PCDH19: variants seen among roughly 807,000 people sequenced by gnomAD.
PCDH19 encodes the protein protocadherin 19, also known as protocadherin-19.
A neutral mutation model predicts 46.2 loss-of-function variants in PCDH19; 6 were observed. The ratio of observed to expected loss-of-function variants is 0.13; its 90% CI spans 0.07 to 0.26. PCDH19 has a LOEUF of 0.26. PCDH19 is among the 10% of genes least tolerant of loss of function. PCDH19 has a pLI of 1.00. For synonymous variants in PCDH19, 481 were observed against 415.7 expected, an observed-to-expected ratio of 1.16 and a Z score of -1.91; for missense variants, 740 against 972.3, an observed-to-expected ratio of 0.76 and a Z score of 3.18.
At chrX:100,359,338 C>G (rs778059971) in intron 3 of PCDH19, among the ~76,000 whole-genome samples, 3 of 111,768 alleles carry the variant, frequency 2.7e-5, no homozygotes, top group Non-Finnish European at 5.6e-5. Flanking sequence ...AAAGGAAAAA[C>G]TTGGCACACA....
intron 5 of PCDH19, among the ~76,000 whole-genome samples, chrX:100,307,633 A>G (rs1924989099): frequency 1.8e-5 from 2 of 111,483 alleles, no homozygotes; most frequent in African/African-American, 3.3e-5. Flanking sequence ...ATATGATCGT[A>G]TATCTAGAAA....
At position 100,407,989 on chromosome X, in the gene PCDH19, G is replaced by C; in HGVS notation, c.609C>G (p.His203Gln). The C allele has an allele frequency of 8.3e-7, 1 of 1,208,064 alleles. No individual in the cohort carries two copies. The highest frequency in any genetic ancestry group is 1.7e-5 in the African/African-American group (1 of 58,033). ...EKSLDRETQS[H>Q]YSFRITALDG... ...CTAGCGCAGTGATTCGGAAGCTGTA[G>C]TGCGACTGCGTCTCGCGGTCCAGGC... The change falls in exon 1 of 6, where the codon CAC becomes CAG. Residue 203 changes from histidine (H) to glutamine (Q), a missense_variant. By Grantham distance (24) the His-to-Gln change is conservative. This residue lies in a region of PCDH19 where 48 missense variants were observed against 43.2 expected (regional missense o/e 1.11). Transcript: ENST00000373034.
At chrX:100,314,960 T>TA (rs1405542979) in intron 5 of PCDH19, among the ~76,000 whole-genome samples, 1 of 111,922 alleles carries the variant, frequency 8.9e-6, no homozygotes, top group Non-Finnish European at 1.9e-5. Context: ...TCATCTCTCT[T>TA]CCTTCAGTTT....
chrX:100,406,229 G>A (rs182678388), intron 1 of PCDH19, among the ~76,000 whole-genome samples: 1 of 111,819 alleles, frequency 8.9e-6, no homozygotes, highest in East Asian at 2.8e-4. Flanking sequence ...ATCATTATGT[G>A]ACAGAATCCA....
At chrX:100,327,457 T>C (rs959610633) in intron 5 of PCDH19, among the ~76,000 whole-genome samples, 2 of 112,162 alleles carry the variant, frequency 1.8e-5, no homozygotes, top group African/African-American at 6.5e-5. Context: ...ATGATGTCAA[T>C]CTTGAATATA....
intron 5 of PCDH19, among the ~76,000 whole-genome samples, chrX:100,310,297 T>C (rs138693065): frequency 0.015 from 1,649 of 110,940 alleles, 27 homozygotes; most frequent in African/African-American, 0.051. Context: ...TTCAATTCAA[T>C]CCATAAAGAA....
chrX:100,409,782 C>T lies in PCDH19; in HGVS notation c.-1185G>A. 4.6e-6 allele frequency: 1 copy of T among 216,890 alleles called. No homozygotes were observed. Among genetic ancestry groups the T allele is most frequent in the Non-Finnish European group, 8.2e-6 (1 of 122,098 alleles). 17.9% of individuals were successfully genotyped at this position (216,890 alleles called of 1,213,427 possible). A position where few individuals can be genotyped will look rare whatever the true frequency, so the allele number is the denominator to read the frequency against. On this transcript the variant is annotated 5_prime_UTR_variant, in exon 1 of 6. Transcript: ENST00000373034. ...AGCTCAGTTGCACGTCGCTGGGGTC[C>T]GCCTCAGCAGCTGCCACAGTCGACG...
intron 3 of PCDH19, among the ~76,000 whole-genome samples, chrX:100,385,787 G>T (rs1186529068): frequency 9.0e-6 from 1 of 111,125 alleles, no homozygotes; most frequent in Non-Finnish European, 1.9e-5. Flanking sequence ...CCAGATACTT[G>T]GGAGGCTGAG....
At chrX:100,364,754 C>T (rs1304139950) in intron 3 of PCDH19, among the ~76,000 whole-genome samples, 2 of 112,170 alleles carry the variant, frequency 1.8e-5, no homozygotes, top group Non-Finnish European at 3.8e-5. Context: ...TGTTGGTTAA[C>T]TGATTAACAG....
At chrX:100,372,657 G>C (rs772952620) in intron 3 of PCDH19, among the ~76,000 whole-genome samples, 37 of 112,095 alleles carry the variant, frequency 3.3e-4, no homozygotes, top group Non-Finnish European at 6.2e-4. Flanking sequence ...CAAAATAAAT[G>C]GGCATTTATA....
At chrX:100,337,083 C>T (rs191259723) in intron 5 of PCDH19, among the ~76,000 whole-genome samples, 1 of 111,403 alleles carries the variant, frequency 9.0e-6, no homozygotes, top group East Asian at 2.8e-4. Context: ...AACCCATGAG[C>T]CTCTGGCACC....
chrX:100,400,273 C>A (rs770487545), intron 3 of PCDH19, among the ~76,000 whole-genome samples: 2 of 112,257 alleles, frequency 1.8e-5, no homozygotes, highest in Non-Finnish European at 3.8e-5. Context: ...TAGGGAGACA[C>A]AATCAGTAGT....
chrX:100,403,366 T>C (rs938627453), intron 2 of PCDH19, among the ~76,000 whole-genome samples, 158 bp downstream of exon 2: 1 of 109,413 alleles, frequency 9.1e-6, no homozygotes, highest in African/African-American at 3.4e-5. Flanking sequence ...CGATCAGTTT[T>C]GGACTGGGGT....
At chrX:100,334,340 T>C (rs1175494056) in intron 5 of PCDH19, among the ~76,000 whole-genome samples, 2 of 111,891 alleles carry the variant, frequency 1.8e-5, no homozygotes, top group African/African-American at 6.5e-5. Flanking sequence ...ATATACTGTT[T>C]TGCAATTCAT....
At chrX:100,403,429 T>A in intron 2 of PCDH19, 95 bp downstream of exon 2, 3 of 848,249 alleles carry the variant, frequency 3.5e-6, no homozygotes, top group Non-Finnish European at 5.2e-6. Context: ...CTCCCTGCCC[T>A]AGCCCGGTTC....
chrX:100,306,413 CG>C (rs914385473), intron 5 of PCDH19, among the ~76,000 whole-genome samples: 2 of 110,847 alleles, frequency 1.8e-5, no homozygotes, highest in African/African-American at 6.6e-5. Flanking sequence ...ACAGCAAAAG[CG>C]GTGCTAAGAG....
chrX:100,404,017 T>C (rs1928272100), intron 1 of PCDH19, among the ~76,000 whole-genome samples: 1 of 112,173 alleles, frequency 8.9e-6, no homozygotes, highest in African/African-American at 3.2e-5. Flanking sequence ...GCTAATTGTC[T>C]GAATACAAAA....
chrX:100,382,080 T>A (rs1400662059), intron 3 of PCDH19, among the ~76,000 whole-genome samples: 5 of 102,744 alleles, frequency 4.9e-5, no homozygotes, highest in East Asian at 5.9e-4. Context: ...TCCAGTAATT[T>A]AAAAAAAAAA....
Position 100,407,066 on chromosome X carries a change from T to C in PCDH19, c.1532A>G (p.Asn511Ser), listed in dbSNP as rs376974614. 19 of 1,208,990 alleles carry C rather than the reference T, an allele frequency of 1.6e-5. No individual in the cohort carries two copies. Among genetic ancestry groups the C allele is most frequent in the Non-Finnish European group, 2.0e-5 (18 of 894,756 alleles). The change falls in exon 1 of 6, where the codon AAC (asparagine) becomes AGC (serine). Residue 511 changes from asparagine (N) to serine (S), a missense_variant. Physicochemically the swap from Asn to Ser is conservative, Grantham distance 46. Around this residue, in one of 5 missense-constraint regions of PCDH19, gnomAD observed 186 missense variants for 319.9 expected, o/e 0.58. Coordinates refer to ENST00000373034, the MANE Select transcript of PCDH19 (RefSeq NM_001184880.2). Reference protein sequence around the residue: ...PVFTYVSINPNSGDIYALRSF... With the variant: ...PVFTYVSINPSSGDIYALRSF... Reference sequence around the variant, plus strand: ...TCGCAGCGCGTAGATGTCGCCTGAGTTGGGATTGATGGAGACATAGGTGAA... The same window carrying C: ...TCGCAGCGCGTAGATGTCGCCTGAGCTGGGATTGATGGAGACATAGGTGAA...
Sources: allele counts gnomAD v4.1 joint callset (sites outside exome capture counted in the v4.1 genomes callset), GRCh38; gene constraint gnomAD v4.1.1; regional missense constraint gnomAD v4.1.1; transcripts MANE v1.5; gene names NCBI Gene and HGNC (gene_info 2026-07-23, HGNC 2026-07-21).